The following NPAS3 variants were observed in gnomAD, a reference collection of about 807,000 sequenced individuals.
NPAS3 encodes the protein neuronal PAS domain-containing protein 3.
In NPAS3, 14 loss-of-function variants were observed where a neutral mutation model predicts 73.1. The ratio of observed to expected loss-of-function variants is 0.19; its 90% confidence interval spans 0.13 to 0.30. The LOEUF (loss-of-function observed/expected upper bound fraction) is 0.30. NPAS3 is among the 10% of genes least tolerant of loss of function. The probability of loss-of-function intolerance (pLI) is 1.00; values close to 1 mark genes in which losing one functional copy is unlikely to be tolerated. For missense variants in NPAS3, 1,096 were observed against 1,250.0 expected, an observed-to-expected ratio of 0.88 and a Z score of 1.86; for synonymous variants, 620 against 541.5, an observed-to-expected ratio of 1.14 and a Z score of -2.01.
intron 5 of NPAS3, among the ~76,000 whole-genome samples, chr14:33,626,779 A>G (rs1289438527): frequency 6.6e-6 from 1 of 152,206 alleles, no homozygotes; most frequent in Non-Finnish European, 1.5e-5. Flanking sequence ...TAGAAAAGAA[A>G]CCAAATACAT....
At chr14:33,762,224 G>T (rs2062316378) in intron 7 of NPAS3, among the ~76,000 whole-genome samples, 1 of 151,742 alleles carries the variant, frequency 6.6e-6, no homozygotes, top group Non-Finnish European at 1.5e-5. Context: ...TGGTCCCTTT[G>T]TATGTAGGTT....
intron 4 of NPAS3, among the ~76,000 whole-genome samples, chr14:33,499,399 TA>T (rs931166513): frequency 9.2e-5 from 14 of 151,906 alleles, no homozygotes; most frequent in Admixed American, 4.6e-4. Flanking sequence ...AGAAAGAACG[TA>T]AAATGAGTCT....
chr14:33,665,901 T>C (rs1273581580), intron 5 of NPAS3, among the ~76,000 whole-genome samples: 3 of 152,128 alleles, frequency 2.0e-5, no homozygotes, highest in African/African-American at 7.2e-5. Context: ...CATTCCAGTG[T>C]AGCATATACA....
chr14:33,010,651 A>G (rs1371883662), intron 1 of NPAS3, among the ~76,000 whole-genome samples: 1 of 152,192 alleles, frequency 6.6e-6, no homozygotes, highest in Non-Finnish European at 1.5e-5. Context: ...AGACTCTTCT[A>G]ATATTAAACA....
intron 4 of NPAS3, among the ~76,000 whole-genome samples, chr14:33,526,403 T>G (rs2053803902): frequency 6.6e-6 from 1 of 152,034 alleles, no homozygotes; most frequent in Non-Finnish European, 1.5e-5. Flanking sequence ...AAAAACCTAT[T>G]GGACAAATTT....
intron 7 of NPAS3, among the ~76,000 whole-genome samples, chr14:33,741,323 A>G (rs944853211): frequency 1.3e-5 from 2 of 152,204 alleles, no homozygotes; most frequent in African/African-American, 4.8e-5. Flanking sequence ...ATTTTCAGAG[A>G]CCAAAAATTC....
intron 4 of NPAS3, among the ~76,000 whole-genome samples, chr14:33,402,572 G>A (rs1040052807): frequency 6.6e-6 from 1 of 152,108 alleles, no homozygotes; most frequent in Non-Finnish European, 1.5e-5. Context: ...CTCATCCTCT[G>A]TGGTGCCTCC....
chr14:33,755,482 T>C (rs576041819), intron 7 of NPAS3, among the ~76,000 whole-genome samples: 1 of 152,294 alleles, frequency 6.6e-6, no homozygotes, highest in East Asian at 1.9e-4. Flanking sequence ...GTTACTACCA[T>C]GACGCCATCC....
intron 3 of NPAS3, among the ~76,000 whole-genome samples, chr14:33,263,117 A>G (rs2049033733): frequency 6.6e-6 from 1 of 152,164 alleles, no homozygotes; most frequent in South Asian, 2.1e-4. Flanking sequence ...GAAGCTCTTT[A>G]CTTTAATTAG....
chr14:32,984,771 G>C (rs542475217), intron 1 of NPAS3, among the ~76,000 whole-genome samples: 1 of 152,234 alleles, frequency 6.6e-6, no homozygotes, highest in South Asian at 2.1e-4. Flanking sequence ...TTCTTTTGTA[G>C]GGTGGAAATG....
At chr14:33,552,459 C>T (rs1595139932) in intron 4 of NPAS3, among the ~76,000 whole-genome samples, 1 of 152,128 alleles carries the variant, frequency 6.6e-6, no homozygotes, top group Non-Finnish European at 1.5e-5. Context: ...ATGTTTGCTT[C>T]CTTTTCTTTT....
intron 2 of NPAS3, among the ~76,000 whole-genome samples, chr14:33,196,308 A>G (rs1278297003): frequency 6.6e-6 from 1 of 152,194 alleles, no homozygotes; most frequent in African/African-American, 2.4e-5. Flanking sequence ...CATTAGTTGC[A>G]TCCAGGACCT....
chr14:33,693,725 A>G (rs2060297331), intron 6 of NPAS3, among the ~76,000 whole-genome samples: 1 of 152,236 alleles, frequency 6.6e-6, no homozygotes, highest in Admixed American at 6.5e-5. Context: ...TGATAGTTAA[A>G]AAATATTGTT....
intron 1 of NPAS3, among the ~76,000 whole-genome samples, chr14:32,946,346 GCGCACA>G (rs1195231842): frequency 0.02 from 2,683 of 131,956 alleles, 44 homozygotes; most frequent in Admixed American, 0.038. Flanking sequence ...ACACACACAC[GCGCACA>G]CACACACACA....
intron 4 of NPAS3, among the ~76,000 whole-genome samples, chr14:33,474,552 CTT>C (rs2050933917): frequency 6.6e-6 from 1 of 152,066 alleles, no homozygotes. Context: ...TTTCTATACT[CTT>C]TTTGCATAAA....
intron 6 of NPAS3, 48 bp downstream of exon 6, chr14:33,676,433 CA>C (rs1555310914): frequency 6.8e-7 from 1 of 1,479,140 alleles, no homozygotes; most frequent in Non-Finnish European, 9.0e-7. Context: ...GGACCTTTGC[CA>C]AATGAGTGTG....
chr14:33,322,039 G>C (rs1010685515), intron 3 of NPAS3, among the ~76,000 whole-genome samples: 2 of 152,130 alleles, frequency 1.3e-5, no homozygotes, highest in African/African-American at 4.8e-5. Flanking sequence ...GCCAGAGATG[G>C]GTTTGCTTTG....
chr14:33,399,918 A>G (rs547147439), intron 4 of NPAS3, among the ~76,000 whole-genome samples: 2 of 152,208 alleles, frequency 1.3e-5, no homozygotes, highest in South Asian at 4.1e-4. Flanking sequence ...TTAACTCTGT[A>G]CTTCGGTTTC....
intron 3 of NPAS3, among the ~76,000 whole-genome samples, chr14:33,217,629 A>G (rs1043952992): frequency 6.6e-5 from 10 of 152,194 alleles, no homozygotes; most frequent in African/African-American, 2.4e-4. Flanking sequence ...TTTGTAGTCA[A>G]TAGGCTTTCT....
Sources: gnomAD v4.1 joint callset for allele counts (sites outside exome capture counted in the v4.1 genomes callset) on GRCh38, gnomAD v4.1.1 for gene constraint, MANE v1.5 for transcripts, NCBI Gene and HGNC (gene_info 2026-07-23, HGNC 2026-07-21) for gene names.